CFC1: variants seen among roughly 807,000 people sequenced by gnomAD.
The protein encoded by CFC1 is cryptic protein.
For synonymous variants in CFC1, 8 were observed against 50.7 expected (o/e 0.16, Z 3.58); for missense variants, 14 against 120.0 (o/e 0.12, Z 4.13).
intron 5 of CFC1, among the ~76,000 whole-genome samples, chr2:130,593,358 T>C: frequency 6.6e-6 from 1 of 152,294 alleles, no homozygotes. Context: ...TCCGTCTTTT[T>C]CATTTGGCCC....
intron 5 of CFC1, among the ~76,000 whole-genome samples, chr2:130,594,458 C>T (rs1205681110): frequency 7.1e-6 from 1 of 140,698 alleles, no homozygotes; most frequent in Non-Finnish European, 1.5e-5. Flanking sequence ...TGCTTACAGG[C>T]TCAGAGTCAG....
At chr2:130,595,788 T>G (rs1278883919) in intron 5 of CFC1, among the ~76,000 whole-genome samples, 1 of 150,614 alleles carries the variant, frequency 6.6e-6, no homozygotes, top group Non-Finnish European at 1.5e-5. Context: ...CAGACCCTGT[T>G]TACTATCTGT....
chr2:130,595,686 C>G (rs1314742982), intron 5 of CFC1, among the ~76,000 whole-genome samples: 6 of 149,970 alleles, frequency 4.0e-5, no homozygotes, highest in Non-Finnish European at 7.4e-5. Flanking sequence ...TGCAGTGAGC[C>G]GAGACTGCGC....
At chr2:130,595,979 G>A (rs1684954489) in intron 5 of CFC1, among the ~76,000 whole-genome samples, 1 of 98,462 alleles carries the variant, frequency 1.0e-5, no homozygotes, top group Non-Finnish European at 1.9e-5. Flanking sequence ...TGCCACGGAG[G>A]ATGTTCCATC....
intron 5 of CFC1, among the ~76,000 whole-genome samples, chr2:130,593,600 G>A (rs1428091552): frequency 6.6e-6 from 1 of 150,748 alleles, no homozygotes; most frequent in Non-Finnish European, 1.5e-5. Flanking sequence ...AGCCCTGTGA[G>A]TGGCGCCGCG....
rs148026803 is a variant in CFC1 at position 130,598,658 on chromosome 2, G to A, written c.231C>T (p.Ser77=). Residue 77 remains serine, a synonymous_variant, in exon 3 of 6, where the codon TCC becomes TCT. Coordinates refer to ENST00000259216, the MANE Select transcript of CFC1 (RefSeq NM_032545.4). The part of the protein sequence containing the change: ...GWGPEEPLPY[S]RAFGEGASAR... The stretch of plus-strand genomic sequence containing the variant: ...GCAACTTACCCTCTCCGAAAGCCCG[G>A]GAGTAGGGGAGCGGCTCCTCCGGCC... The A allele has an allele frequency of 2.1e-4, 335 of 1,613,864 alleles. 4 individuals are homozygous for A. The African/African-American group carries it at 3.9e-3, about 19-fold the overall frequency.
chr2:130,596,215 AATAGCAGTCCCAGC>A (rs1684959660), intron 5 of CFC1, among the ~76,000 whole-genome samples: 1 of 96,154 alleles, frequency 1.0e-5, no homozygotes, highest in Non-Finnish European at 2.1e-5. Context: ...GTCCTTGGCA[AATAGCAGTCCCAGC>A]ACTGGATGTT....
chr2:130,598,501 T>C, intron 3 of CFC1, 141 bp downstream of exon 3: 1 of 1,428,686 alleles, frequency 7.0e-7, no homozygotes, highest in Non-Finnish European at 9.6e-7. Context: ...TATAGCTTTG[T>C]AAGTGCATCA....
In CFC1 at chr2:130,592,360, C is replaced by T. The variant is rs1464491691; in HGVS notation, c.*517G>A. On this transcript the variant is annotated 3_prime_UTR_variant, in exon 6 of 6. Coordinates refer to ENST00000259216, the MANE Select transcript of CFC1 (RefSeq NM_032545.4). ...AAGCTGAAGAGCTCAATGCAAGTGC[C>T]CTCTACCCGAAGTGTGTGCTCTTGA... The T allele has an allele frequency of 8.2e-6, 2 of 243,006 alleles. No individual in the cohort carries two copies. Among genetic ancestry groups the T allele is most frequent in the East Asian group, 1.1e-4 (1 of 9,432 alleles). The allele number at this position is 243,006 out of a possible 1,614,324, so 15.1% of individuals were successfully genotyped here.
intron 3 of CFC1, 110 bp from the exon 4 acceptor site, chr2:130,598,092 G>GC (rs1302723191): frequency 3.7e-5 from 2 of 54,220 alleles, no homozygotes; most frequent in African/African-American, 2.4e-4. Flanking sequence ...TCAGCCTCCA[G>GC]CCAAGTGTGT....
intron 3 of CFC1, among the ~76,000 whole-genome samples, 161 bp downstream of exon 3, chr2:130,598,477 ACTGT>A (rs1685004512): frequency 1.3e-5 from 2 of 151,324 alleles, no homozygotes; most frequent in South Asian, 4.1e-4. Context: ...CTCACTAGGA[ACTGT>A]CTCTAGCTTT....
At chr2:130,593,415 C>CATAG (rs1222361116) in intron 5 of CFC1, among the ~76,000 whole-genome samples, 7 of 152,280 alleles carry the variant, frequency 4.6e-5, no homozygotes, top group Admixed American at 3.9e-4. Context: ...CGATGGGGCA[C>CATAG]ATAGACCCGA....
intron 1 of CFC1, 102 bp from the exon 2 acceptor site, chr2:130,599,061 T>C: frequency 4.1e-6 from 1 of 244,774 alleles, no homozygotes; most frequent in Non-Finnish European, 6.3e-6. Flanking sequence ...TATATATAAA[T>C]ATAAAATTAT....
chr2:130,594,219 A>C (rs1573957806), intron 5 of CFC1, among the ~76,000 whole-genome samples: 1 of 148,694 alleles, frequency 6.7e-6, no homozygotes, highest in Admixed American at 6.6e-5. Context: ...CTTGGGTGCC[A>C]CCTCCCCATA....
At chr2:130,594,377 G>T (rs1006927902) in intron 5 of CFC1, among the ~76,000 whole-genome samples, 9 of 142,634 alleles carry the variant, frequency 6.3e-5, no homozygotes, top group South Asian at 2.1e-4. Context: ...GTGAGAAAGG[G>T]GTCAGCAGTA....
In CFC1 at chr2:130,598,664, G is replaced by C; in HGVS notation, c.225C>G (p.Pro75=). The change falls in exon 3 of 6, where the codon CCC becomes CCG. Residue 75 remains proline, a synonymous_variant. Coordinates refer to ENST00000259216, the MANE Select transcript of CFC1 (RefSeq NM_032545.4). ...TACCCTCTCCGAAAGCCCGGGAGTA[G>C]GGGAGCGGCTCCTCCGGCCCCCAGC... is the stretch of plus-strand genomic sequence containing the variant. ...AEGWGPEEPL[P]YSRAFGEGAS... is the part of the protein sequence containing the mutation. 6.2e-7 allele frequency: 1 copy of C among 1,613,962 alleles called. No homozygotes were observed. The highest frequency in any genetic ancestry group is 1.1e-5 in the South Asian group (1 of 91,084).
At chr2:130,593,341 C>G (rs1305846596) in intron 5 of CFC1, among the ~76,000 whole-genome samples, 1 of 152,300 alleles carries the variant, frequency 6.6e-6, no homozygotes, top group Non-Finnish European at 1.5e-5. Flanking sequence ...GAACGAAGAA[C>G]AGCCCTTCCG....
chr2:130,594,706 ACT>A (rs1335423892), intron 5 of CFC1, among the ~76,000 whole-genome samples: 2 of 130,464 alleles, frequency 1.5e-5, no homozygotes, highest in East Asian at 2.1e-4. Context: ...CATTCCACAG[ACT>A]CTGAATTTTA....
chr2:130,594,300 A>C (rs1300409929), intron 5 of CFC1, among the ~76,000 whole-genome samples: 1 of 147,856 alleles, frequency 6.8e-6, no homozygotes, highest in Non-Finnish European at 1.5e-5. Flanking sequence ...GCTAACGTCT[A>C]GGCTCAGACG....
Sources: gnomAD v4.1 joint callset for allele counts (sites outside exome capture counted in the v4.1 genomes callset) on GRCh38, gnomAD v4.1.1 for gene constraint, MANE v1.5 for transcripts, NCBI Gene and HGNC (gene_info 2026-07-23, HGNC 2026-07-21) for gene names.